The following TSPAN5 variants were observed in gnomAD, a reference collection of about 807,000 sequenced individuals.
TSPAN5 encodes tetraspanin 5, also known as tetraspanin-5.
In TSPAN5, 10 loss-of-function variants were observed where a neutral mutation model predicts 37.1. That is an observed-to-expected ratio of 0.27 (90% CI 0.17 to 0.46). The LOEUF is 0.46. Ranked by LOEUF, TSPAN5 falls within the 20% of genes least tolerant of loss-of-function variation. TSPAN5 has a pLI of 1.00. For synonymous variants in TSPAN5, 110 were observed against 118.9 expected (o/e 0.93, Z 0.48); for missense variants, 195 against 326.6 (o/e 0.60, Z 3.11).
At chr4:98,526,823 A>G (rs778336029) in intron 1 of TSPAN5, among the ~76,000 whole-genome samples, 15 of 152,136 alleles carry the variant, frequency 9.9e-5, no homozygotes, top group African/African-American at 2.7e-4. Flanking sequence ...TTCTTCCTCA[A>G]TGAAATGGAA....
At chr4:98,484,800 T>TAAA in intron 3 of TSPAN5, 1 of 250,692 alleles carries the variant, frequency 4.0e-6, no homozygotes, top group Non-Finnish European at 7.8e-6. Flanking sequence ...CATCTTTACT[T>TAAA]AAAAAAAAAA....
chr4:98,570,593 G>A (rs1046959199), intron 1 of TSPAN5, among the ~76,000 whole-genome samples: 4 of 152,076 alleles, frequency 2.6e-5, no homozygotes, highest in African/African-American at 9.7e-5. Flanking sequence ...GCAAGGTGGA[G>A]GGAAAAAAGA....
At chr4:98,562,741 T>C (rs1349306923) in intron 1 of TSPAN5, among the ~76,000 whole-genome samples, 1 of 151,996 alleles carries the variant, frequency 6.6e-6, no homozygotes, top group East Asian at 1.9e-4. Context: ...CTGAGAAGGC[T>C]TGTGATACAT....
At chr4:98,489,871 G>A (rs1472459158) in intron 2 of TSPAN5, among the ~76,000 whole-genome samples, 7 of 152,114 alleles carry the variant, frequency 4.6e-5, no homozygotes, top group African/African-American at 1.7e-4. Flanking sequence ...CCTTGGAAGC[G>A]GCCCGCCACC....
At chr4:98,564,797 G>A (rs977356099) in intron 1 of TSPAN5, among the ~76,000 whole-genome samples, 5 of 151,894 alleles carry the variant, frequency 3.3e-5, no homozygotes, top group African/African-American at 7.2e-5. Context: ...TGGGGTTCAC[G>A]TGTGTTTCTA....
intron 1 of TSPAN5, among the ~76,000 whole-genome samples, chr4:98,570,132 A>G (rs1453688895): frequency 1.3e-5 from 2 of 152,228 alleles, no homozygotes; most frequent in Non-Finnish European, 2.9e-5. Flanking sequence ...TTATCCTTTC[A>G]TCTTCTTGAA....
At chr4:98,570,315 T>C (rs1755091624) in intron 1 of TSPAN5, among the ~76,000 whole-genome samples, 1 of 152,180 alleles carries the variant, frequency 6.6e-6, no homozygotes, top group South Asian at 2.1e-4. Flanking sequence ...TAAAGGTACA[T>C]GCCAGATCTG....
chr4:98,477,632 A>G (rs933333298), intron 5 of TSPAN5, among the ~76,000 whole-genome samples: 2 of 150,242 alleles, frequency 1.3e-5, no homozygotes, highest in Non-Finnish European at 3.0e-5. Context: ...GTAACCTCTC[A>G]TGTTTGTCAT....
At chr4:98,549,592 C>G (rs1041553598) in intron 1 of TSPAN5, among the ~76,000 whole-genome samples, 1 of 152,022 alleles carries the variant, frequency 6.6e-6, no homozygotes, top group African/African-American at 2.4e-5. Flanking sequence ...AGCCACTGCA[C>G]CTGGCCTCGT....
At chr4:98,627,602 G>A (rs1756637268) in intron 1 of TSPAN5, among the ~76,000 whole-genome samples, 1 of 152,144 alleles carries the variant, frequency 6.6e-6, no homozygotes, top group African/African-American at 2.4e-5. Flanking sequence ...CTTAGAGTCA[G>A]CCAAATACGG....
At chr4:98,505,409 G>A (rs555693823) in intron 2 of TSPAN5, among the ~76,000 whole-genome samples, 1 of 152,044 alleles carries the variant, frequency 6.6e-6, no homozygotes, top group South Asian at 2.1e-4. Context: ...TTGTTCCCTG[G>A]AGTCACCAAA....
chr4:98,613,450 C>G (rs1480628831), intron 1 of TSPAN5, among the ~76,000 whole-genome samples: 1 of 152,142 alleles, frequency 6.6e-6, no homozygotes, highest in Non-Finnish European at 1.5e-5. Flanking sequence ...AGGTATTTTG[C>G]AAATGAACAA....
At chr4:98,542,049 T>C (rs1754370887) in intron 1 of TSPAN5, among the ~76,000 whole-genome samples, 2 of 152,318 alleles carry the variant, frequency 1.3e-5, no homozygotes, top group South Asian at 4.1e-4. Context: ...TGGCAGCTAG[T>C]AGGCCACTCT....
chr4:98,489,105 A>G (rs1753032803), intron 2 of TSPAN5, among the ~76,000 whole-genome samples: 1 of 152,164 alleles, frequency 6.6e-6, no homozygotes, highest in Non-Finnish European at 1.5e-5. Flanking sequence ...GGAGAAGAAG[A>G]CACAGCTAAC....
Position 98,658,493 on chromosome 4 carries a change from T to G in TSPAN5, c.-267A>C. ...CTGCAAGCTCAAGCCTCGCCGACGC[T>G]AGCCCCGAACACAAAGCGAGCGCCC... On this transcript the variant is annotated 5_prime_UTR_variant, in exon 1 of 8. Coordinates refer to ENST00000305798, the MANE Select transcript of TSPAN5 (RefSeq NM_005723.4). 1 of 234,528 alleles carries G rather than the reference T, an allele frequency of 4.3e-6. No individual in the cohort carries two copies. The highest frequency in any genetic ancestry group is 8.6e-5 in the East Asian group (1 of 11,606). 14.5% of individuals were successfully genotyped at this position (234,528 alleles called of 1,614,324 possible).
intron 1 of TSPAN5, among the ~76,000 whole-genome samples, chr4:98,579,816 T>C (rs994301486): frequency 1.4e-4 from 22 of 152,152 alleles, no homozygotes; most frequent in Non-Finnish European, 2.9e-4. Flanking sequence ...ATAAACAATG[T>C]GAAAGAGACA....
At chr4:98,610,040 AG>A (rs779487206) in intron 1 of TSPAN5, among the ~76,000 whole-genome samples, 43 of 152,354 alleles carry the variant, frequency 2.8e-4, no homozygotes, top group Non-Finnish European at 3.5e-4. Flanking sequence ...GGGCCTAGAC[AG>A]CCTTCTCTCC....
chr4:98,649,950 C>T lies in TSPAN5; in HGVS notation c.81+8196G>A, dbSNP rs1300201566. 2.6e-5 allele frequency among the ~76,000 whole-genome samples: 4 copies of T among 152,152 alleles called. No individual in the cohort carries two copies. The East Asian group carries it at 5.8e-4, about 22-fold the overall frequency. ...ATATGTAGACCTAACACTCTAAAAC[C>T]GAACCCTGACATGCTCTTCAACATC... On this transcript the variant is annotated intron_variant, in intron 1 of 7. Transcript: ENST00000305798.
In TSPAN5 at chr4:98,650,527, A is replaced by AATAT. The variant is rs59870493; in HGVS notation, c.81+7618_81+7619insATAT. 0.02 allele frequency among the ~76,000 whole-genome samples: 3,064 copies of AATAT among 152,306 alleles called. 179 individuals are homozygous for AATAT. In the East Asian group the frequency reaches 0.23, roughly 12 times the overall value. ...AACCAAGAATCTCACTGTCAAATAAAGCAGTTATAAAATATGGAGAGGAAA... is the reference window on the plus strand; with the variant it reads ...AACCAAGAATCTCACTGTCAAATAAAATATGCAGTTATAAAATATGGAGAGGAAA... On this transcript the variant is annotated intron_variant, in intron 1 of 7. Transcript: ENST00000305798.
Sources: gnomAD v4.1 joint callset for allele counts (sites outside exome capture counted in the v4.1 genomes callset) on GRCh38, gnomAD v4.1.1 for gene constraint, MANE v1.5 for transcripts, NCBI Gene and HGNC (gene_info 2026-07-23, HGNC 2026-07-21) for gene names.